Variants in DTNA observed in about 807,000 individuals in gnomAD.
DTNA encodes dystrophin-related protein 3.
A neutral mutation model predicts 100.7 loss-of-function variants in DTNA; 43 were observed. That is an observed-to-expected ratio of 0.43 (90% confidence interval 0.33 to 0.55). DTNA has a LOEUF of 0.55. Ranked by LOEUF, DTNA falls within the 20% of genes least tolerant of loss-of-function variation. The probability of loss-of-function intolerance (pLI) is 0.04; values close to 1 mark genes in which losing one functional copy is unlikely to be tolerated. For synonymous variants in DTNA, 349 were observed against 347.9 expected (o/e 1.00, Z -0.04); for missense variants, 798 against 953.9 (o/e 0.84, Z 2.15).
chr18:34,626,610 G>A (rs2057353296), intron 1 of DTNA, among the ~76,000 whole-genome samples: 2 of 152,206 alleles, frequency 1.3e-5, no homozygotes, highest in South Asian at 4.1e-4. Flanking sequence ...ACCATTTAAT[G>A]TAGGTAGCAA....
chr18:34,517,330 G>C (rs937918931), intron 1 of DTNA, among the ~76,000 whole-genome samples: 2 of 152,010 alleles, frequency 1.3e-5, no homozygotes, highest in Non-Finnish European at 2.9e-5. Flanking sequence ...TAATACAGAG[G>C]TCCCATGAAC....
chr18:34,750,698 A>C (rs1021040), intron 1 of DTNA, among the ~76,000 whole-genome samples: 151,608 of 152,316 alleles, frequency 1, 75,459 homozygotes, highest in Middle Eastern at 1. Context: ...TTGACTTCCT[A>C]ACAAAGTTAC....
At chr18:34,596,231 G>T (rs1301190829) in intron 1 of DTNA, among the ~76,000 whole-genome samples, 2 of 152,018 alleles carry the variant, frequency 1.3e-5, no homozygotes, top group South Asian at 2.1e-4. Flanking sequence ...GTTTTGTTTT[G>T]TTTTGTTTTA....
chr18:34,631,094 G>T (rs2058026197), intron 1 of DTNA, among the ~76,000 whole-genome samples: 1 of 152,128 alleles, frequency 6.6e-6, no homozygotes, highest in South Asian at 2.1e-4. Flanking sequence ...CATATATTGA[G>T]TGCTTATTAT....
At chr18:34,552,854 T>C (rs1272785670) in intron 1 of DTNA, among the ~76,000 whole-genome samples, 1 of 144,366 alleles carries the variant, frequency 6.9e-6, no homozygotes, top group African/African-American at 2.7e-5. Flanking sequence ...GCATGTGTCT[T>C]TATAGCAGCA....
intron 17 of DTNA, chr18:34,867,424 C>T (rs181666942): frequency 8.2e-7 from 1 of 1,226,856 alleles, no homozygotes; most frequent in Non-Finnish European, 1.0e-6. Context: ...GGACACATAA[C>T]ACATACAGCC....
intron 3 of DTNA, among the ~76,000 whole-genome samples, chr18:34,781,185 T>C (rs2094303129): frequency 6.6e-6 from 1 of 152,216 alleles, no homozygotes; most frequent in African/African-American, 2.4e-5. Context: ...ATCTGAAATA[T>C]CACTCACTTG....
intron 21 of DTNA, 117 bp from the exon 22 acceptor site, chr18:34,884,611 A>G (rs971997443): frequency 8.9e-6 from 10 of 1,128,576 alleles, no homozygotes; most frequent in African/African-American, 3.1e-5. Flanking sequence ...CTCACTCAAT[A>G]GACTCTCTCT....
upstream of DTNA, among the ~76,000 whole-genome samples, chr18:34,706,415 A>T (rs1402202593): frequency 6.6e-6 from 1 of 152,184 alleles, no homozygotes; most frequent in Non-Finnish European, 1.5e-5. Context: ...GGAAAGTTAC[A>T]AGTTTTTATT....
chr18:34,638,075 T>C (rs1568088145), intron 1 of DTNA, among the ~76,000 whole-genome samples: 1 of 152,238 alleles, frequency 6.6e-6, no homozygotes, highest in Non-Finnish European at 1.5e-5. Context: ...TAGCCTCCTT[T>C]AGCTAGAAAT....
rs1403622663 is a variant in DTNA at position 34,602,166 on chromosome 18, C to T, written c.-2+108652C>T. ...TTTAGTTTTAAGCACTAACTATAATCGATAAAACTCAGGAATTCAAAGATT... is the reference window on the plus strand; with the variant it reads ...TTTAGTTTTAAGCACTAACTATAATTGATAAAACTCAGGAATTCAAAGATT... On this transcript the variant is annotated intron_variant, in intron 1 of 19. Coordinates refer to the DTNA transcript ENST00000283365. Among the ~76,000 whole-genome samples the T allele has an allele frequency of 3.3e-5, 5 of 152,164 alleles. No individual in the cohort carries two copies. The East Asian group carries it at 7.7e-4, about 23-fold the overall frequency.
At chr18:34,530,543 C>T (rs1425383929) in intron 1 of DTNA, among the ~76,000 whole-genome samples, 1 of 152,070 alleles carries the variant, frequency 6.6e-6, no homozygotes, top group Admixed American at 6.6e-5. Flanking sequence ...CTCGTTTCTC[C>T]TTTCTATCAT....
At chr18:34,704,091 A>G (rs2081785569) in intron 1 of DTNA, among the ~76,000 whole-genome samples, 1 of 152,076 alleles carries the variant, frequency 6.6e-6, no homozygotes, top group African/African-American at 2.4e-5. Context: ...TTTTATCATA[A>G]TGTCATCAAT....
At chr18:34,595,969 A>G (rs1426758954) in intron 1 of DTNA, among the ~76,000 whole-genome samples, 1 of 152,210 alleles carries the variant, frequency 6.6e-6, no homozygotes, top group Non-Finnish European at 1.5e-5. Context: ...TGACACCAGC[A>G]TAAAGCTGGG....
At chr18:34,729,255 A>G (rs1356675351) in intron 1 of DTNA, among the ~76,000 whole-genome samples, 2 of 152,214 alleles carry the variant, frequency 1.3e-5, no homozygotes, top group African/African-American at 4.8e-5. Flanking sequence ...TTATTTGCTC[A>G]AGTACATGCA....
In DTNA at chr18:34,546,763, C is replaced by CT. The variant is rs775681576; in HGVS notation, c.-2+53259dup. On this transcript the variant is annotated intron_variant, in intron 1 of 19. Transcript: ENST00000283365. Reference sequence around the variant, plus strand: ...TGTAATTTTCTTTCTTTCTTTCTTTCTTTTTTTTTTATCTCAGCTCACTGC... The same window carrying CT: ...TGTAATTTTCTTTCTTTCTTTCTTTCTTTTTTTTTTTATCTCAGCTCACTGC... 1.9e-3 allele frequency among the ~76,000 whole-genome samples: 282 copies of CT among 148,546 alleles called. 1 individual carries two copies. The highest frequency in any genetic ancestry group is 0.018 in the East Asian group (93 of 5,080).
At chr18:34,887,522 T>C (rs1171024021) in intron 22 of DTNA, among the ~76,000 whole-genome samples, 1 of 152,140 alleles carries the variant, frequency 6.6e-6, no homozygotes, top group Non-Finnish European at 1.5e-5. Flanking sequence ...ATGCCTCTGG[T>C]ACCCACTAAG....
intron 4 of DTNA, among the ~76,000 whole-genome samples, chr18:34,797,019 C>A (rs2095003531): frequency 1.3e-5 from 2 of 152,156 alleles, no homozygotes; most frequent in South Asian, 4.1e-4. Context: ...TGCAAGATTT[C>A]TCTCTGCTCG....
intron 1 of DTNA, among the ~76,000 whole-genome samples, chr18:34,558,741 C>T (rs901234532): frequency 6.6e-6 from 1 of 152,026 alleles, no homozygotes; most frequent in African/African-American, 2.4e-5. Context: ...AATTGAGAGC[C>T]AGCCCAAGCA....
Sources: gnomAD v4.1 joint callset for allele counts (sites outside exome capture counted in the v4.1 genomes callset) on GRCh38, gnomAD v4.1.1 for gene constraint, MANE v1.5 for transcripts, NCBI Gene and HGNC (gene_info 2026-07-23, HGNC 2026-07-21) for gene names.